Variants in CFAP299 observed in about 807,000 individuals in gnomAD.
The protein encoded by CFAP299 is cilia and flagella associated protein 299.
In CFAP299, 21 loss-of-function variants were observed where a neutral mutation model predicts 27.0. The ratio of observed to expected loss-of-function variants is 0.78; its 90% CI spans 0.55 to 1.12. The LOEUF is 1.12. Ranked by LOEUF, CFAP299 falls within the 50% of genes most tolerant of loss-of-function variation. CFAP299 has a pLI of 0.00. For synonymous variants in CFAP299, 104 were observed against 98.1 expected (o/e 1.06, Z -0.36); for missense variants, 310 against 276.6 (o/e 1.12, Z -0.86).
chr4:80,356,537 AAG>A (rs1723288345), intron 1 of CFAP299, among the ~76,000 whole-genome samples: 1 of 152,082 alleles, frequency 6.6e-6, no homozygotes, highest in Non-Finnish European at 1.5e-5. Flanking sequence ...GTTCTCCTTG[AAG>A]AGTTCCTTCA....
intron 4 of CFAP299, among the ~76,000 whole-genome samples, chr4:80,907,134 G>T (rs377647554): frequency 2.0e-5 from 3 of 152,034 alleles, no homozygotes; most frequent in Non-Finnish European, 2.9e-5. Context: ...TCTAGGGCAG[G>T]GTCAAAATGC....
intron 4 of CFAP299, among the ~76,000 whole-genome samples, chr4:80,925,558 C>T (rs1736266344): frequency 6.6e-6 from 1 of 151,870 alleles, no homozygotes; most frequent in South Asian, 2.1e-4. Flanking sequence ...TTAAAAGTGA[C>T]AACCCATACA....
chr4:80,336,287 T>C (rs1203547440), intron 1 of CFAP299, among the ~76,000 whole-genome samples: 2 of 152,214 alleles, frequency 1.3e-5, no homozygotes, highest in African/African-American at 4.8e-5. Flanking sequence ...AATTGGTATA[T>C]TAAAGAACAG....
At chr4:80,863,517 C>T (rs545187320) in intron 3 of CFAP299, among the ~76,000 whole-genome samples, 2 of 152,282 alleles carry the variant, frequency 1.3e-5, no homozygotes, top group South Asian at 4.1e-4. Context: ...AGGTCACAGG[C>T]TCCCTCAGTA....
intron 1 of CFAP299, among the ~76,000 whole-genome samples, chr4:80,360,275 C>T (rs1433815200): frequency 6.6e-6 from 1 of 152,182 alleles, no homozygotes; most frequent in Non-Finnish European, 1.5e-5. Context: ...TCTGCAGGCA[C>T]TCACCACAGT....
At chr4:80,512,220 T>TTG (rs1560601971) in intron 2 of CFAP299, among the ~76,000 whole-genome samples, 1 of 120,062 alleles carries the variant, frequency 8.3e-6, no homozygotes, top group African/African-American at 4.9e-5. Flanking sequence ...ACATATTACA[T>TTG]AGTGTGTGTG....
At chr4:80,388,080 C>T in intron 2 of CFAP299, 1 of 693,692 alleles carries the variant, frequency 1.4e-6, no homozygotes, top group Non-Finnish European at 2.6e-6. Flanking sequence ...AGGAGTGCAG[C>T]AGCACTGTAC....
intron 3 of CFAP299, among the ~76,000 whole-genome samples, chr4:80,784,161 A>T (rs1727102358): frequency 6.6e-6 from 1 of 152,176 alleles, no homozygotes. Context: ...GCTGCAATGA[A>T]CATGGAAATG....
intron 3 of CFAP299, among the ~76,000 whole-genome samples, chr4:80,703,122 T>A (rs1026070227): frequency 6.6e-6 from 1 of 151,768 alleles, no homozygotes; most frequent in Non-Finnish European, 1.5e-5. Context: ...AGTGACATCT[T>A]GCTTGCTAAA....
At chr4:80,799,809 A>G (rs1273077419) in intron 3 of CFAP299, among the ~76,000 whole-genome samples, 1 of 24,088 alleles carries the variant, frequency 4.2e-5, no homozygotes, top group African/African-American at 5.1e-4. Context: ...TATAATATAT[A>G]AATATATATA....
intron 3 of CFAP299, among the ~76,000 whole-genome samples, chr4:80,706,072 T>C (rs1250850221): frequency 1.3e-5 from 2 of 151,904 alleles, no homozygotes; most frequent in Non-Finnish European, 2.9e-5. Flanking sequence ...TGTGTTGAAG[T>C]GCATATGTTA....
At chr4:80,744,581 A>G (rs1724476882) in intron 3 of CFAP299, among the ~76,000 whole-genome samples, 1 of 151,222 alleles carries the variant, frequency 6.6e-6, no homozygotes, top group South Asian at 2.1e-4. Flanking sequence ...TTTGATTTTC[A>G]TCTTTTTTTT....
At chr4:80,409,578 C>T (rs1296880514) in intron 2 of CFAP299, among the ~76,000 whole-genome samples, 1 of 152,128 alleles carries the variant, frequency 6.6e-6, no homozygotes. Flanking sequence ...TTTAAAATGT[C>T]ATCAAGATGT....
At chr4:80,704,218 C>A (rs1170874563) in intron 3 of CFAP299, among the ~76,000 whole-genome samples, 1 of 151,384 alleles carries the variant, frequency 6.6e-6, no homozygotes, top group Non-Finnish European at 1.5e-5. Context: ...GAAAGTTATT[C>A]ATATACTATT....
At chr4:80,406,890 A>G (rs1726455923) in intron 2 of CFAP299, among the ~76,000 whole-genome samples, 1 of 152,202 alleles carries the variant, frequency 6.6e-6, no homozygotes, top group African/African-American at 2.4e-5. Context: ...AGGCACAGAC[A>G]AGGTAAGCAA....
chr4:80,879,126 C>A (rs1002848853), intron 4 of CFAP299, among the ~76,000 whole-genome samples: 4 of 152,040 alleles, frequency 2.6e-5, no homozygotes, highest in African/African-American at 7.2e-5. Context: ...AATAAAATCA[C>A]TAAGGTAAAT....
intron 2 of CFAP299, among the ~76,000 whole-genome samples, chr4:80,429,857 T>G (rs1727719285): frequency 6.6e-6 from 1 of 152,122 alleles, no homozygotes; most frequent in Non-Finnish European, 1.5e-5. Context: ...TAAAAAAAAA[T>G]GGCCATATTT....
intron 2 of CFAP299, among the ~76,000 whole-genome samples, chr4:80,432,608 CT>C (rs1274383110): frequency 4.3e-4 from 65 of 149,662 alleles, no homozygotes; most frequent in African/African-American, 1.6e-3. Flanking sequence ...CCTCAGCTCA[CT>C]GCAAGCTCCG....
intron 3 of CFAP299, among the ~76,000 whole-genome samples, chr4:80,699,822 C>A (rs1721356712): frequency 6.6e-6 from 1 of 152,084 alleles, no homozygotes. Flanking sequence ...AGAAAAGTGA[C>A]AAGAGTTGGC....
Sources: allele counts gnomAD v4.1 joint callset (sites outside exome capture counted in the v4.1 genomes callset), GRCh38; gene constraint gnomAD v4.1.1; transcripts MANE v1.5; gene names NCBI Gene and HGNC (gene_info 2026-07-23, HGNC 2026-07-21).